MYZAP: variants seen among roughly 807,000 people sequenced by gnomAD.
MYZAP encodes GRINL1A complex locus upstream.
MYZAP carries 66 observed loss-of-function variants against 69.4 expected under a neutral mutation model. That is an observed-to-expected ratio of 0.95 (90% CI 0.78 to 1.17). MYZAP has a LOEUF of 1.17. MYZAP is among the 50% of genes most tolerant of loss of function. MYZAP has a pLI of 0.00. For synonymous variants in MYZAP, 256 were observed against 205.9 expected (o/e 1.24, Z -2.09); for missense variants, 611 against 556.2 (o/e 1.10, Z -0.99).
chr15:57,597,752 G>A (rs1453088817), intron 1 of MYZAP, among the ~76,000 whole-genome samples: 2 of 152,154 alleles, frequency 1.3e-5, no homozygotes, highest in African/African-American at 2.4e-5. Context: ...GAAAAAGTTC[G>A]CCCCACCCTG....
At chr15:57,638,249 A>C (rs1240005740) in intron 9 of MYZAP, among the ~76,000 whole-genome samples, 4 of 152,240 alleles carry the variant, frequency 2.6e-5, no homozygotes, top group African/African-American at 9.6e-5. Context: ...TCTAGAAATC[A>C]AAATGCAGAG....
intron 1 of MYZAP, among the ~76,000 whole-genome samples, chr15:57,592,852 T>C (rs1348109220): frequency 6.6e-6 from 1 of 152,176 alleles, no homozygotes; most frequent in Non-Finnish European, 1.5e-5. Flanking sequence ...GCCAGGGGCT[T>C]GGCTTGTGGC....
At chr15:57,603,014 C>T (rs1178245390) in intron 1 of MYZAP, among the ~76,000 whole-genome samples, 1 of 152,132 alleles carries the variant, frequency 6.6e-6, no homozygotes, top group Non-Finnish European at 1.5e-5. Context: ...ATAAATCACA[C>T]AAATTGTAGC....
At position 57,681,558 on chromosome 15, in the gene MYZAP, C is replaced by T. The variant is rs183123692; in HGVS notation, c.1305-2844C>T. Among the ~76,000 whole-genome samples, 190 of 152,178 alleles carry T rather than the reference C, an allele frequency of 1.2e-3. 1 individual carries two copies. In the East Asian group the frequency reaches 0.026, roughly 21 times the overall value. On this transcript the variant is annotated intron_variant, in intron 12 of 12. Coordinates refer to ENST00000267853, the MANE Select transcript of MYZAP (RefSeq NM_001018100.5). The stretch of plus-strand genomic sequence containing the variant: ...CAGCACTTTGGGAGGCCGAGTTGGG[C>T]GGATCATTTGAGGCCAGGGGTTCAA...
At chr15:57,597,204 A>G (rs577398292) in intron 1 of MYZAP, among the ~76,000 whole-genome samples, 169 of 152,312 alleles carry the variant, frequency 1.1e-3, no homozygotes, top group African/African-American at 3.9e-3. Context: ...GAGTTGCCTC[A>G]TCCTGCTGCA....
At chr15:57,611,648 A>G (rs1328115461) in intron 2 of MYZAP, among the ~76,000 whole-genome samples, 1 of 151,902 alleles carries the variant, frequency 6.6e-6, no homozygotes, top group Non-Finnish European at 1.5e-5. Context: ...TTCTCATCTT[A>G]AGCTTTGAAA....
chr15:57,624,819 T>C (rs1378629253), intron 4 of MYZAP, among the ~76,000 whole-genome samples: 4 of 152,206 alleles, frequency 2.6e-5, no homozygotes, highest in African/African-American at 9.7e-5. Context: ...CACATGCTCC[T>C]GGGCCTGGCT....
At chr15:57,638,529 C>G (rs746465271) in intron 9 of MYZAP, among the ~76,000 whole-genome samples, 1 of 152,126 alleles carries the variant, frequency 6.6e-6, no homozygotes, top group Non-Finnish European at 1.5e-5. Flanking sequence ...TTCAAAGTTA[C>G]AGGAGGCTTG....
intron 1 of MYZAP, among the ~76,000 whole-genome samples, chr15:57,602,001 A>C (rs1381964967): frequency 6.6e-6 from 1 of 152,062 alleles, no homozygotes. Flanking sequence ...TGTTCATGGA[A>C]AATGAACAGG....
chr15:57,621,535 T>A, intron 3 of MYZAP, 73 bp from the exon 4 acceptor site: 2 of 1,556,024 alleles, frequency 1.3e-6, no homozygotes, highest in Non-Finnish European at 8.7e-7. Context: ...CTTTAGAGTT[T>A]CTTAAAAGTT....
intron 1 of MYZAP, among the ~76,000 whole-genome samples, chr15:57,602,564 G>C (rs2034481823): frequency 6.6e-6 from 1 of 152,200 alleles, no homozygotes; most frequent in Non-Finnish European, 1.5e-5. Context: ...CAGGAAGGCG[G>C]TCAGGACTTC....
At position 57,625,861 on chromosome 15, in the gene MYZAP, C is replaced by G. The variant is rs1206182150; in HGVS notation, c.494C>G (p.Ser165Ter). Reference sequence around the variant, plus strand: ...CTGGATCGTTTTAATGCCATGAACTCAGCCTTGGCATCAGATTCCATTGGC... The same window carrying G: ...CTGGATCGTTTTAATGCCATGAACTGAGCCTTGGCATCAGATTCCATTGGC... ...SALDRFNAMN[S>*]ALASDSIGLQ... Residue 165 changes from serine to a stop codon, truncating the protein, a stop_gained, in exon 5 of 13, where the codon TCA (serine) becomes TGA (stop). Transcript: ENST00000267853. LOFTEE classifies it high-confidence loss of function. 1 of 1,614,182 alleles carries G rather than the reference C, an allele frequency of 6.2e-7. No homozygotes were observed. Among genetic ancestry groups the G allele is most frequent in the East Asian group, 2.2e-5 (1 of 44,872 alleles).
At chr15:57,647,568 AG>A in intron 10 of MYZAP, 1 of 985,446 alleles carries the variant, frequency 1.0e-6, no homozygotes, top group Non-Finnish European at 1.2e-6. Context: ...TCCTGCTTTC[AG>A]GGTGGTGTGC....
chr15:57,647,825 T>C lies in MYZAP; in HGVS notation c.1119+8280T>C. ...CAGGACCTACCTCAGCCTGCTCTTG[T>C]CTGCCTTTGCTGATGCCCCTCAATT... On this transcript the variant is annotated intron_variant, in intron 10 of 12. Coordinates refer to ENST00000267853, the MANE Select transcript of MYZAP (RefSeq NM_001018100.5). 3.0e-6 allele frequency: 3 copies of C among 985,422 alleles called. No individual in the cohort carries two copies. In the South Asian group the frequency reaches 1.4e-4, roughly 46 times the overall value. The allele number at this position is 985,422 out of a possible 1,614,324, so 61.0% of individuals were successfully genotyped here.
At chr15:57,673,463 C>CGTGCGT in intron 11 of MYZAP, among the ~76,000 whole-genome samples, 2 of 102,664 alleles carry the variant, frequency 1.9e-5, no homozygotes, top group Non-Finnish European at 4.0e-5. Flanking sequence ...TGCGTGCATG[C>CGTGCGT]GTGTGTGTGT....
chr15:57,637,400 T>TA (rs1229176525), intron 8 of MYZAP, among the ~76,000 whole-genome samples: 1 of 152,238 alleles, frequency 6.6e-6, no homozygotes, highest in Non-Finnish European at 1.5e-5. Context: ...AAAGTATTGA[T>TA]AATCAGTATT....
At chr15:57,642,895 G>A (rs1211384204) in intron 10 of MYZAP, among the ~76,000 whole-genome samples, 3 of 152,182 alleles carry the variant, frequency 2.0e-5, no homozygotes, top group South Asian at 2.1e-4. Context: ...TGGTGGGGGT[G>A]AGCCCTTTTG....
chr15:57,592,248 G>A, intron 1 of MYZAP, 139 bp downstream of exon 1: 1 of 782,912 alleles, frequency 1.3e-6, no homozygotes, highest in Non-Finnish European at 1.7e-6. Flanking sequence ...CCCCGGTCCT[G>A]TGCCGGCTCT....
At chr15:57,635,970 T>A (rs1449039905) in intron 8 of MYZAP, among the ~76,000 whole-genome samples, 1 of 152,194 alleles carries the variant, frequency 6.6e-6, no homozygotes, top group Non-Finnish European at 1.5e-5. Context: ...CAGATAATAG[T>A]CTATGCCATA....
Sources: allele counts gnomAD v4.1 joint callset (sites outside exome capture counted in the v4.1 genomes callset), GRCh38; gene constraint gnomAD v4.1.1; transcripts MANE v1.5; gene names NCBI Gene and HGNC (gene_info 2026-07-23, HGNC 2026-07-21).